Variants in NUBPL observed in about 807,000 individuals in gnomAD.
NUBPL encodes the protein NUBP iron-sulfur cluster assembly factor, mitochondrial.
In NUBPL, 31 loss-of-function variants were observed where a neutral mutation model predicts 45.7. The observed-to-expected ratio is 0.68, with a 90% confidence interval of 0.51 to 0.92. The LOEUF is 0.92. Ranked by LOEUF, NUBPL falls within the 40% of genes least tolerant of loss-of-function variation. NUBPL has a pLI of 0.00. For missense variants in NUBPL, 401 were observed against 398.7 expected, an observed-to-expected ratio of 1.01 and a Z score of -0.05; for synonymous variants, 144 against 140.9, an observed-to-expected ratio of 1.02 and a Z score of -0.15.
chr14:31,813,437 A>G (rs906869848), intron 7 of NUBPL, among the ~76,000 whole-genome samples: 3 of 17,676 alleles, frequency 1.7e-4, no homozygotes, highest in African/African-American at 3.1e-4. Context: ...CTTTTTTGCT[A>G]TACACACACA....
At chr14:31,590,909 A>C (rs1052920155) in intron 3 of NUBPL, among the ~76,000 whole-genome samples, 3 of 152,174 alleles carry the variant, frequency 2.0e-5, no homozygotes, top group Admixed American at 6.5e-5. Context: ...ACCAAGATTT[A>C]AAGTTTTTCT....
chr14:31,627,252 G>A (rs2035227958), intron 4 of NUBPL, among the ~76,000 whole-genome samples: 1 of 151,818 alleles, frequency 6.6e-6, no homozygotes, highest in South Asian at 2.1e-4. Flanking sequence ...TTCTCATAAG[G>A]GAAACCTTAT....
intron 6 of NUBPL, among the ~76,000 whole-genome samples, chr14:31,675,328 T>C (rs1206531049): frequency 1.3e-5 from 2 of 152,198 alleles, no homozygotes; most frequent in Non-Finnish European, 2.9e-5. Context: ...TGCATTTTAT[T>C]GGGAGCTGAA....
chr14:31,617,093 G>C (rs745491792), intron 4 of NUBPL, among the ~76,000 whole-genome samples: 1 of 152,060 alleles, frequency 6.6e-6, no homozygotes, highest in Non-Finnish European at 1.5e-5. Flanking sequence ...TTGGAGTATA[G>C]GAATGCTTGT....
intron 7 of NUBPL, among the ~76,000 whole-genome samples, chr14:31,793,187 C>T (rs1300989599): frequency 6.7e-6 from 1 of 149,992 alleles, no homozygotes; most frequent in Non-Finnish European, 1.5e-5. Flanking sequence ...TCCCAGTAAA[C>T]ACCTTCATAT....
intron 7 of NUBPL, among the ~76,000 whole-genome samples, chr14:31,822,796 C>G (rs2040039707): frequency 6.6e-6 from 1 of 152,090 alleles, no homozygotes; most frequent in Non-Finnish European, 1.5e-5. Context: ...GGAAGATGAT[C>G]ATTGTCCTTG....
At chr14:31,640,596 C>T (rs2035662786) in intron 4 of NUBPL, among the ~76,000 whole-genome samples, 1 of 124,932 alleles carries the variant, frequency 8.0e-6, no homozygotes, top group Admixed American at 9.2e-5. Context: ...GCCTGGGCGA[C>T]AGAGTGAGAC....
intron 6 of NUBPL, among the ~76,000 whole-genome samples, chr14:31,785,940 C>G (rs2039275882): frequency 6.6e-6 from 1 of 152,162 alleles, no homozygotes; most frequent in African/African-American, 2.4e-5. Context: ...GGGAGGATCA[C>G]TTGAGCCTAG....
At chr14:31,808,574 C>T (rs1177625621) in intron 7 of NUBPL, among the ~76,000 whole-genome samples, 8 of 152,132 alleles carry the variant, frequency 5.3e-5, no homozygotes, top group African/African-American at 1.7e-4. Context: ...ACAGGGACAA[C>T]TGGACTTCCT....
At chr14:31,712,583 C>T (rs895426135) in intron 6 of NUBPL, among the ~76,000 whole-genome samples, 2 of 152,252 alleles carry the variant, frequency 1.3e-5, no homozygotes, top group Non-Finnish European at 2.9e-5. Context: ...GGGGCCCCCA[C>T]AGCACAGTGG....
At chr14:31,611,483 T>C (rs1416348472) in intron 4 of NUBPL, among the ~76,000 whole-genome samples, 1 of 152,130 alleles carries the variant, frequency 6.6e-6, no homozygotes, top group African/African-American at 2.4e-5. Context: ...TATTGTTAAA[T>C]TGTCCCTACT....
At chr14:31,737,740 T>C (rs1044020416) in intron 6 of NUBPL, among the ~76,000 whole-genome samples, 1 of 152,180 alleles carries the variant, frequency 6.6e-6, no homozygotes, top group African/African-American at 2.4e-5. Context: ...GCTGAAATCA[T>C]GCCACTTCGC....
chr14:31,636,559 G>A (rs1225529816), intron 4 of NUBPL, among the ~76,000 whole-genome samples: 6 of 152,074 alleles, frequency 3.9e-5, no homozygotes, highest in South Asian at 4.1e-4. Context: ...CTCTTTTTTG[G>A]TTGTGTCTCT....
chr14:31,777,501 CG>C (rs1289627134), intron 6 of NUBPL, among the ~76,000 whole-genome samples: 1 of 152,196 alleles, frequency 6.6e-6, no homozygotes, highest in Non-Finnish European at 1.5e-5. Context: ...TAGTGGGAGT[CG>C]CTTGCAGACA....
chr14:31,675,780 GCTAAAATT>G (rs985011871), intron 6 of NUBPL, among the ~76,000 whole-genome samples: 7 of 152,120 alleles, frequency 4.6e-5, no homozygotes, highest in African/African-American at 1.7e-4. Context: ...ACTTTGTTGA[GCTAAAATT>G]ATGCATACAA....
chr14:31,570,234 TA>T (rs544607542), intron 3 of NUBPL, among the ~76,000 whole-genome samples: 115 of 152,350 alleles, frequency 7.5e-4, no homozygotes, highest in Non-Finnish European at 1.4e-3. Flanking sequence ...TATGTGTCTA[TA>T]TTTTTTTGGT....
chr14:31,810,039 ATG>A (rs1398183266), intron 7 of NUBPL, among the ~76,000 whole-genome samples: 2 of 152,162 alleles, frequency 1.3e-5, no homozygotes, highest in East Asian at 1.9e-4. Flanking sequence ...ACTTCCAACT[ATG>A]TGGTCAATTT....
intron 9 of NUBPL, among the ~76,000 whole-genome samples, chr14:31,849,585 A>G (rs1376731667): frequency 1.3e-5 from 2 of 152,216 alleles, no homozygotes; most frequent in Admixed American, 6.5e-5. Context: ...GTTAGTAAAT[A>G]ATAAGAGAAA....
At chr14:31,588,645 G>A (rs149671303) in intron 3 of NUBPL, among the ~76,000 whole-genome samples, 22 of 151,820 alleles carry the variant, frequency 1.4e-4, no homozygotes, top group African/African-American at 5.1e-4. Context: ...GGCTGAGCGC[G>A]GTGGCTCATG....
Sources: allele counts gnomAD v4.1 joint callset (sites outside exome capture counted in the v4.1 genomes callset), GRCh38; gene constraint gnomAD v4.1.1; transcripts MANE v1.5; gene names NCBI Gene and HGNC (gene_info 2026-07-23, HGNC 2026-07-21).